UBXN7: variants seen among roughly 807,000 people sequenced by gnomAD.
UBXN7 encodes the protein UBX domain-containing protein 7.
UBXN7 carries 9 observed loss-of-function variants against 58.0 expected under a neutral mutation model. That is an observed-to-expected ratio of 0.16 (90% CI 0.09 to 0.27). UBXN7 has a LOEUF of 0.27. UBXN7 is among the 10% of genes least tolerant of loss of function. UBXN7 has a pLI of 1.00. For missense variants in UBXN7, 328 were observed against 599.6 expected (o/e 0.55, Z 4.73); for synonymous variants, 208 against 205.0 (o/e 1.01, Z -0.12).
intron 8 of UBXN7, among the ~76,000 whole-genome samples, chr3:196,366,355 AAAAATAAAAAATT>A (rs908773179): frequency 1.1e-4 from 16 of 152,108 alleles, no homozygotes; most frequent in Non-Finnish European, 1.6e-4. Flanking sequence ...TGCCTCCACA[AAAAATAAAAAATT>A]AGCCAGGCAT....
At chr3:196,392,023 T>C (rs962147328) in intron 4 of UBXN7, 98 bp from the exon 5 acceptor site, 9 of 708,312 alleles carry the variant, frequency 1.3e-5, no homozygotes, top group African/African-American at 1.9e-5. Flanking sequence ...ATTGAAGGAA[T>C]TGCTGTCAAT....
Position 196,353,445 on chromosome 3 carries a change from T to C in UBXN7, c.*3240A>G, listed in dbSNP as rs544528782. 1 of 152,082 alleles carries C rather than the reference T, an allele frequency of 6.6e-6. No homozygotes were observed. The highest frequency in any genetic ancestry group is 2.1e-4 in the South Asian group (1 of 4,816). 9.4% of individuals were successfully genotyped at this position (152,082 alleles called of 1,614,324 possible). On this transcript the variant is annotated 3_prime_UTR_variant, in exon 11 of 11. Transcript: ENST00000296328. The stretch of plus-strand genomic sequence containing the variant: ...CCTTCCGATACCAATTTCAAAAAAG[T>C]ATTCCTCTCACTTTTTTCCCACTAG...
chr3:196,390,489 C>G (rs1235693521), intron 5 of UBXN7, among the ~76,000 whole-genome samples: 1 of 152,086 alleles, frequency 6.6e-6, no homozygotes, highest in Non-Finnish European at 1.5e-5. Flanking sequence ...CGCCTGTAAT[C>G]CCAGCACTGT....
Position 196,354,416 on chromosome 3 carries a change from A to C in UBXN7, c.*2269T>G, listed in dbSNP as rs1024840891. 1 of 152,242 alleles carries C rather than the reference A, an allele frequency of 6.6e-6. No homozygotes were observed. The highest frequency in any genetic ancestry group is 2.4e-5 in the African/African-American group (1 of 41,448). The allele number at this position is 152,242 out of a possible 1,614,324, so 9.4% of individuals were successfully genotyped here. A position where few individuals can be genotyped will look rare whatever the true frequency, so the allele number is the denominator to read the frequency against. ...ATCAAGAGAAGCTAGAAGGTAAAGA[A>C]AAGGAAACAGAGCCCTATAGGAAAA... On this transcript the variant is annotated 3_prime_UTR_variant, in exon 11 of 11. Coordinates refer to ENST00000296328, the MANE Select transcript of UBXN7 (RefSeq NM_015562.2).
At chr3:196,381,062 C>G (rs1374518335) in intron 5 of UBXN7, among the ~76,000 whole-genome samples, 2 of 152,256 alleles carry the variant, frequency 1.3e-5, no homozygotes, top group Non-Finnish European at 2.9e-5. Context: ...CATAGCTGAA[C>G]AAAAGGCAGC....
chr3:196,389,789 C>G (rs1729521372), intron 5 of UBXN7, among the ~76,000 whole-genome samples: 2 of 152,160 alleles, frequency 1.3e-5, no homozygotes, highest in East Asian at 1.9e-4. Context: ...GCAATGCAAG[C>G]AAACTAACAC....
At chr3:196,375,643 A>C (rs1318652060) in intron 5 of UBXN7, among the ~76,000 whole-genome samples, 1 of 152,202 alleles carries the variant, frequency 6.6e-6, no homozygotes, top group Non-Finnish European at 1.5e-5. Context: ...TTCTGAATCA[A>C]CATTTCAAAG....
chr3:196,394,633 ATC>A, intron 3 of UBXN7, among the ~76,000 whole-genome samples: 1 of 152,220 alleles, frequency 6.6e-6, no homozygotes, highest in South Asian at 2.1e-4. Context: ...CTATCTTAAT[ATC>A]CAAGTGGTGA....
At chr3:196,401,294 TATATACACAC>T (rs1440238803) in intron 3 of UBXN7, among the ~76,000 whole-genome samples, 1 of 80,604 alleles carries the variant, frequency 1.2e-5, no homozygotes, top group African/African-American at 5.8e-5. Flanking sequence ...TATATATATA[TATATACACAC>T]ACACACACAC....
chr3:196,366,870 T>C (rs955503397), intron 8 of UBXN7, among the ~76,000 whole-genome samples: 3 of 150,434 alleles, frequency 2.0e-5, no homozygotes, highest in African/African-American at 2.5e-5. Context: ...GCCTGAGAAA[T>C]GGAACAAGAT....
chr3:196,395,780 T>C (rs576617079), intron 3 of UBXN7, among the ~76,000 whole-genome samples: 18 of 152,072 alleles, frequency 1.2e-4, no homozygotes, highest in Admixed American at 7.2e-4. Context: ...TTTATTTATT[T>C]ATTGCGACAG....
chr3:196,380,502 T>C (rs1729173625), intron 5 of UBXN7, among the ~76,000 whole-genome samples: 2 of 152,306 alleles, frequency 1.3e-5, no homozygotes, highest in South Asian at 4.1e-4. Flanking sequence ...TTGTTTGTGG[T>C]GGGGTGTTCC....
chr3:196,429,769 A>G (rs1290251954), intron 1 of UBXN7, among the ~76,000 whole-genome samples: 1 of 152,234 alleles, frequency 6.6e-6, no homozygotes, highest in Admixed American at 6.5e-5. Flanking sequence ...AGAATCCCAA[A>G]AATTATCAAT....
intron 1 of UBXN7, among the ~76,000 whole-genome samples, chr3:196,412,912 T>C (rs1243145560): frequency 6.6e-6 from 1 of 152,002 alleles, no homozygotes; most frequent in Admixed American, 6.6e-5. Flanking sequence ...TGGAGGAAGG[T>C]AGAATGAGGA....
chr3:196,372,003 T>C lies in UBXN7; in HGVS notation c.508A>G (p.Ile170Val). ...CGQMQNKWLMINIQNVQDFAC... is the reference protein window; with the variant it reads ...CGQMQNKWLMVNIQNVQDFAC... ...AAGTCTTGAACATTTTGAATGTTTA[T>C]CATCAGCCACTTATTTTGCATCTGG... Residue 170 changes from isoleucine to valine, a missense_variant, in exon 6 of 11, where the codon ATA (isoleucine) becomes GTA (valine). By Grantham distance (29) the Ile-to-Val change is conservative. Transcript: ENST00000296328. 2.5e-6 allele frequency: 4 copies of C among 1,612,588 alleles called. No homozygotes were observed. Among genetic ancestry groups the C allele is most frequent in the Non-Finnish European group, 3.4e-6 (4 of 1,179,636 alleles).
intron 1 of UBXN7, among the ~76,000 whole-genome samples, chr3:196,419,460 A>G (rs1730607532): frequency 6.6e-6 from 1 of 152,188 alleles, no homozygotes; most frequent in African/African-American, 2.4e-5. Context: ...GTCTGAACAA[A>G]GCCAGTGCTA....
intron 1 of UBXN7, among the ~76,000 whole-genome samples, chr3:196,426,254 C>T (rs1021801877): frequency 6.6e-6 from 1 of 151,728 alleles, no homozygotes; most frequent in Non-Finnish European, 1.5e-5. Context: ...GGTGTCGTGA[C>T]GCGCATCTGT....
chr3:196,403,086 A>G (rs999678749), intron 2 of UBXN7, 67 bp from the exon 3 acceptor site: 1 of 1,385,550 alleles, frequency 7.2e-7, no homozygotes, highest in African/African-American at 1.5e-5. Flanking sequence ...CTTTCTGTAA[A>G]TACTGTGAAT....
At chr3:196,413,323 A>G (rs1255759469) in intron 1 of UBXN7, among the ~76,000 whole-genome samples, 1 of 152,086 alleles carries the variant, frequency 6.6e-6, no homozygotes. Flanking sequence ...GGGCAACAAG[A>G]GCGAAACTCT....
Sources: allele counts gnomAD v4.1 joint callset (sites outside exome capture counted in the v4.1 genomes callset), GRCh38; gene constraint gnomAD v4.1.1; transcripts MANE v1.5; gene names NCBI Gene and HGNC (gene_info 2026-07-23, HGNC 2026-07-21).